The following RHBDL2 variants were observed in gnomAD, a reference collection of about 807,000 sequenced individuals.
RHBDL2 encodes the protein rhomboid like 2, also known as rhomboid-related protein 2.
RHBDL2 carries 26 observed loss-of-function variants against 31.7 expected under a neutral mutation model. The observed-to-expected ratio is 0.82, with a 90% CI of 0.60 to 1.14. The LOEUF is 1.14. RHBDL2 is among the 50% of genes most tolerant of loss of function. RHBDL2 has a pLI of 0.00. For missense variants in RHBDL2, 336 were observed against 364.4 expected (o/e 0.92, Z 0.63); for synonymous variants, 123 against 127.2 (o/e 0.97, Z 0.22).
At chr1:38,932,950 T>A (rs1188779514) in intron 1 of RHBDL2, among the ~76,000 whole-genome samples, 1 of 152,190 alleles carries the variant, frequency 6.6e-6, no homozygotes. Flanking sequence ...CCCAAATTAG[T>A]CTTCACTCTG....
chr1:38,897,151 A>G (rs1368150056), intron 4 of RHBDL2, among the ~76,000 whole-genome samples: 1 of 149,500 alleles, frequency 6.7e-6, no homozygotes, highest in Non-Finnish European at 1.5e-5. Flanking sequence ...CCCAGGCTGG[A>G]GTGCAGTGGC....
chr1:38,925,953 C>A (rs772876654), intron 1 of RHBDL2: 47 of 1,270,202 alleles, frequency 3.7e-5, no homozygotes, highest in African/African-American at 1.5e-5. Context: ...TAATAAATTA[C>A]CAAAATTGCA....
chr1:38,931,763 G>A (rs1007683379), intron 1 of RHBDL2, among the ~76,000 whole-genome samples: 1 of 152,020 alleles, frequency 6.6e-6, no homozygotes, highest in African/African-American at 2.4e-5. Flanking sequence ...CTATTCACTG[G>A]GGAATAAAGA....
At chr1:38,932,880 T>C (rs1216023583) in intron 1 of RHBDL2, among the ~76,000 whole-genome samples, 1 of 152,194 alleles carries the variant, frequency 6.6e-6, no homozygotes, top group African/African-American at 2.4e-5. Flanking sequence ...TCCATTCACA[T>C]TGTTCATCTT....
Position 38,886,494 on chromosome 1 carries a change from T to C in RHBDL2, c.*10A>G, listed in dbSNP as rs1265933623. 4 of 1,524,564 alleles carry C rather than the reference T, an allele frequency of 2.6e-6. No individual in the cohort carries two copies. Among genetic ancestry groups the C allele is most frequent in the Admixed American group, 2.0e-5 (1 of 49,630 alleles). 94.4% of individuals were successfully genotyped at this position (1,524,564 alleles called of 1,614,324 possible). ...GCTCTTTTTATTAATTGACTTACAA[T>C]AGGGGCAGGTCAGTTTGCTGGAGAT... On this transcript the variant is annotated 3_prime_UTR_variant, in exon 8 of 8. Coordinates refer to ENST00000372990, the MANE Select transcript of RHBDL2 (RefSeq NM_017821.5).
chr1:38,909,953 C>A (rs755807092), intron 4 of RHBDL2, among the ~76,000 whole-genome samples: 4 of 152,058 alleles, frequency 2.6e-5, no homozygotes, highest in African/African-American at 4.8e-5. Context: ...ACTCAGATAA[C>A]CTTCAATGAG....
At chr1:38,907,565 A>G (rs1643084423) in intron 4 of RHBDL2, among the ~76,000 whole-genome samples, 3 of 149,188 alleles carry the variant, frequency 2.0e-5, no homozygotes, top group African/African-American at 2.5e-5. Flanking sequence ...CATAAAATTA[A>G]AGAAAAAAAG....
chr1:38,912,910 A>ATATATATATATGTGTGTGTG (rs1399583863), intron 3 of RHBDL2, among the ~76,000 whole-genome samples: 5 of 41,370 alleles, frequency 1.2e-4, no homozygotes, highest in African/African-American at 4.6e-4. Flanking sequence ...ATATATATAT[A>ATATATATATATGTGTGTGTG]TGTGTGTGTG....
intron 6 of RHBDL2, among the ~76,000 whole-genome samples, chr1:38,890,944 TA>T (rs1288100636): frequency 6.6e-6 from 1 of 152,280 alleles, no homozygotes; most frequent in Admixed American, 6.5e-5. Flanking sequence ...GAATGTTTTT[TA>T]GGGCAATTGC....
chr1:38,940,443 G>A (rs1643549013), intron 1 of RHBDL2, among the ~76,000 whole-genome samples: 1 of 152,088 alleles, frequency 6.6e-6, no homozygotes, highest in Admixed American at 6.6e-5. Context: ...CTGGACTCAA[G>A]GAATCCTCCC....
intron 1 of RHBDL2, among the ~76,000 whole-genome samples, chr1:38,925,373 C>T (rs1036239819): frequency 6.6e-6 from 1 of 152,058 alleles, no homozygotes; most frequent in African/African-American, 2.4e-5. Flanking sequence ...TGGCATGTGC[C>T]TGTAATCCCA....
chr1:38,911,287 G>A, intron 4 of RHBDL2, 35 bp downstream of exon 4: 9 of 1,369,450 alleles, frequency 6.6e-6, no homozygotes, highest in Non-Finnish European at 9.4e-6. Context: ...TAAGAGCCCA[G>A]AGGTATTGAT....
chr1:38,916,876 A>AG (rs955968359), intron 2 of RHBDL2, among the ~76,000 whole-genome samples: 1 of 151,176 alleles, frequency 6.6e-6, no homozygotes, highest in African/African-American at 2.4e-5. Context: ...TCTCAAAAAA[A>AG]AAAAAAAATA....
intron 1 of RHBDL2, among the ~76,000 whole-genome samples, chr1:38,939,693 C>A (rs1446059560): frequency 6.6e-6 from 1 of 152,040 alleles, no homozygotes; most frequent in Non-Finnish European, 1.5e-5. Flanking sequence ...GTGCACACCA[C>A]CACACCAGGC....
intron 1 of RHBDL2, among the ~76,000 whole-genome samples, chr1:38,938,771 C>T (rs1230061146): frequency 7.2e-5 from 11 of 152,170 alleles, no homozygotes; most frequent in Admixed American, 7.2e-4. Context: ...ATTAAATGCC[C>T]TTCTTAGTTC....
At chr1:38,911,209 T>C (rs1057263250) in intron 4 of RHBDL2, 113 bp downstream of exon 4, 3 of 664,212 alleles carry the variant, frequency 4.5e-6, no homozygotes, top group East Asian at 2.7e-5. Flanking sequence ...CGAGCACATA[T>C]TAGGAGTGCA....
intron 2 of RHBDL2, among the ~76,000 whole-genome samples, chr1:38,917,505 A>G (rs1435126716): frequency 6.6e-6 from 1 of 152,172 alleles, no homozygotes; most frequent in Non-Finnish European, 1.5e-5. Flanking sequence ...GGTTTGTACC[A>G]CGATACCTTA....
intron 6 of RHBDL2, among the ~76,000 whole-genome samples, chr1:38,888,449 G>T (rs1352280412): frequency 2.6e-5 from 4 of 152,142 alleles, no homozygotes; most frequent in African/African-American, 9.7e-5. Context: ...AAGAGAAGAA[G>T]AAATAGGAAT....
intron 4 of RHBDL2, among the ~76,000 whole-genome samples, chr1:38,900,684 C>T (rs1381877038): frequency 2.0e-5 from 3 of 151,736 alleles, no homozygotes; most frequent in Non-Finnish European, 4.4e-5. Context: ...CAAGATCATG[C>T]CACCGCACTC....
Sources: allele counts gnomAD v4.1 joint callset (sites outside exome capture counted in the v4.1 genomes callset), GRCh38; gene constraint gnomAD v4.1.1; transcripts MANE v1.5; gene names NCBI Gene and HGNC (gene_info 2026-07-23, HGNC 2026-07-21).